GPR155: variants seen among roughly 807,000 people sequenced by gnomAD.
GPR155 encodes the protein lysosomal cholesterol signaling protein.
In GPR155, 65 loss-of-function variants were observed where a neutral mutation model predicts 93.1. The observed-to-expected ratio is 0.70, with a 90% CI of 0.57 to 0.86. The LOEUF (loss-of-function observed/expected upper bound fraction) is 0.86. Ranked by LOEUF, GPR155 falls within the 40% of genes least tolerant of loss-of-function variation. GPR155 has a pLI of 0.00. For missense variants in GPR155, 838 were observed against 1,034.8 expected (o/e 0.81, Z 2.61); for synonymous variants, 319 against 360.1 (o/e 0.89, Z 1.29).
Position 174,465,803 on chromosome 2 carries a change from T to C in GPR155, c.1366A>G (p.Ser456Gly). The change falls in exon 7 of 16, where the codon AGC (serine) becomes GGC (glycine). Residue 456 changes from serine (S) to glycine (G), a missense_variant. This residue lies in a region of GPR155 where 663 missense variants were observed against 790.1 expected (regional missense o/e 0.84). Coordinates refer to ENST00000392552, the MANE Select transcript of GPR155 (RefSeq NM_152529.7). Reference protein sequence around the residue: ...VFVLLYSSLYSTYLWTGLLAI... With the variant: ...VFVLLYSSLYGTYLWTGLLAI... Reference sequence around the variant, plus strand: ...AACTCACCTGTCCACAGGTAGGTGCTATAGAGGGAGCTGTACAATAGAACA... The same window carrying C: ...AACTCACCTGTCCACAGGTAGGTGCCATAGAGGGAGCTGTACAATAGAACA... 6.3e-7 allele frequency: 1 copy of C among 1,580,474 alleles called. No individual in the cohort carries two copies.
chr2:174,433,983 C>G lies in GPR155; in HGVS notation c.*2133G>C, dbSNP rs1362870578. 1 of 148,598 alleles carries G rather than the reference C, an allele frequency of 6.7e-6. No individual in the cohort carries two copies. Among genetic ancestry groups the G allele is most frequent in the Non-Finnish European group, 1.5e-5 (1 of 67,444 alleles). 9.2% of individuals were successfully genotyped at this position (148,598 alleles called of 1,614,324 possible). Reference sequence around the variant, plus strand: ...AGAATTTTTTTTTTTTTTTCTGAGACAGAGTCTCACTCTGACACTCAGGCT... The same window carrying G: ...AGAATTTTTTTTTTTTTTTCTGAGAGAGAGTCTCACTCTGACACTCAGGCT... On this transcript the variant is annotated 3_prime_UTR_variant, in exon 16 of 16. Transcript: ENST00000392552.
chr2:174,460,917 T>C (rs1687673179), intron 9 of GPR155, among the ~76,000 whole-genome samples: 1 of 151,988 alleles, frequency 6.6e-6, no homozygotes, highest in Non-Finnish European at 1.5e-5. Context: ...GAGTAAGAAA[T>C]CAAAATTATG....
intron 12 of GPR155, among the ~76,000 whole-genome samples, chr2:174,446,329 A>AG (rs1687129386): frequency 7.7e-6 from 1 of 129,196 alleles, no homozygotes; most frequent in Non-Finnish European, 1.7e-5. Context: ...AATAAAAAAT[A>AG]AAAAGAAATA....
rs1316640975 is a variant in GPR155 at position 174,432,766 on chromosome 2, T to TG, written c.*3349_*3350insC. ...ATATACTAGGCTTCCATGCAGGTTT[T>TG]TTTTTTTTTTTTTTTGCGATGGAGT... On this transcript the variant is annotated 3_prime_UTR_variant, in exon 16 of 16. Transcript: ENST00000392552. The TG allele has an allele frequency of 6.8e-6, 1 of 146,154 alleles. No homozygotes were observed. The highest frequency in any genetic ancestry group is 1.5e-5 in the Non-Finnish European group (1 of 66,290). The allele number at this position is 146,154 out of a possible 1,614,324, so 9.1% of individuals were successfully genotyped here.
rs945785556 is a variant in GPR155, at chr2:174,434,569, C to T, written c.*1547G>A. On this transcript the variant is annotated 3_prime_UTR_variant, in exon 16 of 16. Coordinates refer to ENST00000392552, the MANE Select transcript of GPR155 (RefSeq NM_152529.7). ...AGTAATTTGGGTAGAAAAGAAAAGA[C>T]AAACTTTAAAAAAAAATAGTGCCTC... The T allele has an allele frequency of 1.3e-5, 2 of 151,678 alleles. No individual in the cohort carries two copies. The highest frequency in any genetic ancestry group is 1.5e-5 in the Non-Finnish European group (1 of 67,874). The allele number at this position is 151,678 out of a possible 1,614,324, so 9.4% of individuals were successfully genotyped here.
chr2:174,464,414 T>G (rs1025279257), intron 7 of GPR155, among the ~76,000 whole-genome samples: 1 of 152,002 alleles, frequency 6.6e-6, no homozygotes, highest in Non-Finnish European at 1.5e-5. Flanking sequence ...ATGGCAAAAA[T>G]TGTGAGGATG....
chr2:174,438,763 T>C (rs2105662047), intron 15 of GPR155, among the ~76,000 whole-genome samples: 1 of 152,290 alleles, frequency 6.6e-6, no homozygotes, highest in East Asian at 1.9e-4. Flanking sequence ...CACCTTGGCC[T>C]CCTAAAGTGC....
At chr2:174,484,209 T>G (rs1374671633) in intron 1 of GPR155, among the ~76,000 whole-genome samples, 1 of 152,246 alleles carries the variant, frequency 6.6e-6, no homozygotes, top group Non-Finnish European at 1.5e-5. Context: ...AAACCTACAC[T>G]ACTCACATAC....
chr2:174,434,817 C>T lies in GPR155; in HGVS notation c.*1299G>A, dbSNP rs1274804736. On this transcript the variant is annotated 3_prime_UTR_variant, in exon 16 of 16. Transcript: ENST00000392552. ...TCTTTTTTTTTTTTTTTAGTACAGA[C>T]CGGGTTTCACCACGTTGCCCGGGCT... The T allele has an allele frequency of 2.7e-5, 4 of 149,212 alleles. No individual in the cohort carries two copies. The highest frequency in any genetic ancestry group is 5.9e-5 in the Non-Finnish European group (4 of 67,534). The allele number at this position is 149,212 out of a possible 1,614,324, so 9.2% of individuals were successfully genotyped here. A position where few individuals can be genotyped will look rare whatever the true frequency, so the allele number is the denominator to read the frequency against.
At chr2:174,454,662 G>GA in intron 10 of GPR155, among the ~76,000 whole-genome samples, 1 of 134,298 alleles carries the variant, frequency 7.4e-6, no homozygotes, top group African/African-American at 3.6e-5. Flanking sequence ...GGGAAGAAGG[G>GA]AAGGAGGGAA....
chr2:174,438,767 A>G (rs761959233), intron 15 of GPR155, among the ~76,000 whole-genome samples: 3 of 152,326 alleles, frequency 2.0e-5, no homozygotes, highest in Admixed American at 6.5e-5. Flanking sequence ...TTGGCCTCCT[A>G]AAGTGCTGGG....
chr2:174,475,151 C>T (rs1036863195), intron 2 of GPR155, among the ~76,000 whole-genome samples: 27 of 150,388 alleles, frequency 1.8e-4, no homozygotes, highest in Admixed American at 1.1e-3. Context: ...AAAAATTAGC[C>T]GGGCGTAGTG....
rs141509044 is a variant in GPR155, at chr2:174,441,436, T to C, written c.2174+683A>G. Among the ~76,000 whole-genome samples the C allele has an allele frequency of 2.6e-3, 394 of 151,748 alleles. 2 individuals are homozygous for C. Among genetic ancestry groups the C allele is most frequent in the African/African-American group, 8.8e-3 (366 of 41,480 alleles). ...TATTTAAAAAATTTTTTTTAATTTTTATTTTTATTATTATACTTTAAGTTC... is the reference window on the plus strand; with the variant it reads ...TATTTAAAAAATTTTTTTTAATTTTCATTTTTATTATTATACTTTAAGTTC... On this transcript the variant is annotated intron_variant, in intron 14 of 15. Transcript: ENST00000392552.
At chr2:174,457,814 G>A (rs559573705) in intron 10 of GPR155, among the ~76,000 whole-genome samples, 76 of 152,176 alleles carry the variant, frequency 5.0e-4, no homozygotes, top group African/African-American at 1.7e-3. Flanking sequence ...GCTGTGGCGT[G>A]ACCATGGCTC....
In GPR155 at chr2:174,445,805, A is replaced by G. The variant is rs572845789; in HGVS notation, c.2014-629T>C. Among the ~76,000 whole-genome samples the G allele has an allele frequency of 6.6e-5, 10 of 152,276 alleles. No individual in the cohort carries two copies. The East Asian group carries it at 1.2e-3, about 18-fold the overall frequency. ...AATTTTCTCTATTTTGTAAGGGTCT[A>G]TTATATGAAGTAGTTATGTTATTTT... On this transcript the variant is annotated intron_variant, in intron 12 of 15. Coordinates refer to ENST00000392552, the MANE Select transcript of GPR155 (RefSeq NM_152529.7).
intron 2 of GPR155, among the ~76,000 whole-genome samples, chr2:174,478,902 A>G (rs1409330082): frequency 6.6e-6 from 1 of 151,912 alleles, no homozygotes; most frequent in East Asian, 1.9e-4. Flanking sequence ...AGCAGCAGTA[A>G]TAAGTTACCT....
intron 2 of GPR155, among the ~76,000 whole-genome samples, chr2:174,480,262 C>G (rs1484564663): frequency 6.6e-6 from 1 of 152,082 alleles, no homozygotes. Flanking sequence ...TTTTTATGGC[C>G]CTTGTCACCA....
At chr2:174,436,563 G>C in intron 15 of GPR155, 147 bp from the exon 16 acceptor site, 1 of 763,118 alleles carries the variant, frequency 1.3e-6, no homozygotes, top group South Asian at 2.0e-5. Context: ...GTTCTGAATA[G>C]AAAGGGTTTG....
rs1226719805 is a variant in GPR155, at chr2:174,442,168, C to T, written c.2125G>A (p.Gly709Arg). ...AAATGTTTATCTAATCCAAAGATTC[C>T]AAAGGAAATAAATCCCTAGGGAAGA... is the stretch of plus-strand genomic sequence containing the variant. Reference protein sequence around the residue: ...FNFGQGFISFGIFGLDKHLII... With the variant: ...FNFGQGFISFRIFGLDKHLII... Residue 709 changes from glycine to arginine, a missense_variant, in exon 14 of 16, where the codon GGA becomes AGA. Around this residue, in one of 3 missense-constraint regions of GPR155, gnomAD observed 29 missense variants for 67.1 expected, o/e 0.43. Coordinates refer to ENST00000392552, the MANE Select transcript of GPR155 (RefSeq NM_152529.7). 2 of 1,380,620 alleles carry T rather than the reference C, an allele frequency of 1.4e-6. No individual in the cohort carries two copies. Among genetic ancestry groups the T allele is most frequent in the African/African-American group, 1.4e-5 (1 of 70,092 alleles). The allele number at this position is 1,380,620 out of a possible 1,614,324, so 85.5% of individuals were successfully genotyped here. A position where few individuals can be genotyped will look rare whatever the true frequency, so the allele number is the denominator to read the frequency against.
Sources: gnomAD v4.1 joint callset for allele counts (sites outside exome capture counted in the v4.1 genomes callset) on GRCh38, gnomAD v4.1.1 for gene constraint, gnomAD v4.1.1 regional missense constraint, MANE v1.5 for transcripts, NCBI Gene and HGNC (gene_info 2026-07-23, HGNC 2026-07-21) for gene names.